The following ANKFY1 variants were observed in gnomAD, a reference collection of about 807,000 sequenced individuals.
ANKFY1 encodes ankyrin repeat and FYVE domain-containing protein 1.
ANKFY1 carries 47 observed loss-of-function variants against 128.3 expected under a neutral mutation model. That is an observed-to-expected ratio of 0.37 (90% CI 0.29 to 0.47). The LOEUF (loss-of-function observed/expected upper bound fraction) is 0.47, where lower values mean the gene tolerates loss of function less well. Ranked by LOEUF, ANKFY1 falls within the 20% of genes least tolerant of loss-of-function variation. ANKFY1 has a pLI of 1.00. For missense variants in ANKFY1, 1,222 were observed against 1,510.6 expected (o/e 0.81, Z 3.17); for synonymous variants, 553 against 601.6 (o/e 0.92, Z 1.18).
intron 3 of ANKFY1, among the ~76,000 whole-genome samples, chr17:4,217,320 G>A (rs183203820): frequency 5.9e-5 from 9 of 152,282 alleles, no homozygotes; most frequent in Non-Finnish European, 4.4e-5. Context: ...AGGCTGAGGC[G>A]GGCAGATCAC....
chr17:4,232,242 C>T (rs1222127636), intron 3 of ANKFY1, among the ~76,000 whole-genome samples: 2 of 152,128 alleles, frequency 1.3e-5, no homozygotes, highest in Admixed American at 1.3e-4. Flanking sequence ...TTACAAGAAC[C>T]TATTTCCAAT....
At chr17:4,171,510 C>T (rs929833845) in intron 22 of ANKFY1, among the ~76,000 whole-genome samples, 1 of 152,172 alleles carries the variant, frequency 6.6e-6, no homozygotes, top group African/African-American at 2.4e-5. Flanking sequence ...ATTCTTCCCA[C>T]TATCAAATGA....
chr17:4,261,749 C>A (rs1336501637), intron 1 of ANKFY1, among the ~76,000 whole-genome samples: 1 of 152,228 alleles, frequency 6.6e-6, no homozygotes, highest in African/African-American at 2.4e-5. Flanking sequence ...CAGCCCTCCA[C>A]AATCTCAACC....
At chr17:4,179,090 T>C (rs371319992) in intron 17 of ANKFY1, 33 bp from the exon 18 acceptor site, 42 of 1,606,454 alleles carry the variant, frequency 2.6e-5, no homozygotes, top group Admixed American at 1.0e-4. Flanking sequence ...TAATGTTCAA[T>C]TGCAAGATAA....
Position 4,172,512 on chromosome 17 carries a change from A to G in ANKFY1, c.3139+44T>C. ...TGGGCTCTTGCTTTTCCAGGAAGCAAGGTGCGCAAGTGAGACGGGACATAC... is the reference window on the plus strand; with the variant it reads ...TGGGCTCTTGCTTTTCCAGGAAGCAGGGTGCGCAAGTGAGACGGGACATAC... On this transcript the variant is annotated intron_variant, in intron 22 of 24. Coordinates refer to ENST00000341657, the MANE Select transcript of ANKFY1 (RefSeq NM_001330063.2). 1.9e-6 allele frequency: 3 copies of G among 1,588,594 alleles called. No individual in the cohort carries two copies. In the East Asian group the frequency reaches 6.7e-5, roughly 36 times the overall value.
intron 3 of ANKFY1, among the ~76,000 whole-genome samples, chr17:4,218,306 C>T (rs2060253924): frequency 6.6e-6 from 1 of 152,066 alleles, no homozygotes; most frequent in Non-Finnish European, 1.5e-5. Flanking sequence ...GAACAAAAAT[C>T]GTAAGAGTCC....
chr17:4,216,010 T>C (rs748919661), intron 4 of ANKFY1, among the ~76,000 whole-genome samples: 5 of 152,248 alleles, frequency 3.3e-5, no homozygotes, highest in Non-Finnish European at 7.3e-5. Context: ...TATGCACCTA[T>C]AGACTGTGGA....
At chr17:4,228,786 A>G (rs565173530) in intron 3 of ANKFY1, among the ~76,000 whole-genome samples, 110 of 152,254 alleles carry the variant, frequency 7.2e-4, no homozygotes, top group Admixed American at 2.9e-3. Flanking sequence ...AACTTATCCA[A>G]TTGCACACTT....
intron 8 of ANKFY1, among the ~76,000 whole-genome samples, chr17:4,196,489 T>G (rs2059827265): frequency 6.6e-6 from 1 of 152,128 alleles, no homozygotes; most frequent in Admixed American, 6.6e-5. Flanking sequence ...TCACAGCCCC[T>G]CACACCACTG....
chr17:4,186,947 C>G (rs1318833477), intron 11 of ANKFY1: 19 of 1,177,942 alleles, frequency 1.6e-5, no homozygotes, highest in Non-Finnish European at 2.0e-5. Flanking sequence ...CACACACAGG[C>G]TCCTCCTCCT....
At chr17:4,238,602 T>C (rs1004621021) in intron 2 of ANKFY1, among the ~76,000 whole-genome samples, 1 of 151,676 alleles carries the variant, frequency 6.6e-6, no homozygotes, top group Non-Finnish European at 1.5e-5. Flanking sequence ...GCCTGCTGAG[T>C]AGCTGGGATT....
Position 4,238,152 on chromosome 17 carries a change from TAA to T in ANKFY1, c.204-2264_204-2263del, listed in dbSNP as rs55944256. ...AGTGAGACTCTGTCTCTTATTTATT[TAA>T]AAAAAAAAAAAAAAAAAAAAAAGGC... is the stretch of plus-strand genomic sequence containing the variant. On this transcript the variant is annotated intron_variant, in intron 2 of 24. Transcript: ENST00000341657. 3.9e-3 allele frequency among the ~76,000 whole-genome samples: 359 copies of T among 92,680 alleles called. 1 individual carries two copies. The highest frequency in any genetic ancestry group is 4.7e-3 in the Non-Finnish European group (223 of 47,524). 60.8% of individuals were successfully genotyped at this position (92,680 alleles called of 152,430 possible). A position where few individuals can be genotyped will look rare whatever the true frequency, so the allele number is the denominator to read the frequency against.
chr17:4,183,059 T>C (rs775301047), intron 14 of ANKFY1, among the ~76,000 whole-genome samples: 3 of 152,184 alleles, frequency 2.0e-5, no homozygotes, highest in Non-Finnish European at 4.4e-5. Context: ...TGAGCCGAGA[T>C]TGTGCCACTG....
intron 5 of ANKFY1, among the ~76,000 whole-genome samples, chr17:4,209,046 C>T (rs148199854): frequency 0.045 from 5,510 of 122,640 alleles, 330 homozygotes; most frequent in African/African-American, 0.14. Flanking sequence ...GCAACAAGAG[C>T]GAAACTCAGT....
intron 18 of ANKFY1, chr17:4,177,942 C>G (rs2059437900): frequency 6.6e-6 from 1 of 152,420 alleles, no homozygotes; most frequent in African/African-American, 2.4e-5. Context: ...GTGGAGGCGG[C>G]AGCGAGGGCG....
At chr17:4,223,121 C>T (rs757186916) in intron 3 of ANKFY1, 27 of 753,072 alleles carry the variant, frequency 3.6e-5, no homozygotes, top group Non-Finnish European at 5.3e-5. Flanking sequence ...AAGCATTGGT[C>T]GAAACAAAGA....
chr17:4,232,575 G>A (rs2060531543), intron 3 of ANKFY1, among the ~76,000 whole-genome samples: 1 of 152,208 alleles, frequency 6.6e-6, no homozygotes, highest in South Asian at 2.1e-4. Flanking sequence ...ACTCCTGAAA[G>A]CAAACCTTAT....
At chr17:4,237,542 A>G (rs1431772764) in intron 2 of ANKFY1, among the ~76,000 whole-genome samples, 1 of 152,216 alleles carries the variant, frequency 6.6e-6, no homozygotes, top group Non-Finnish European at 1.5e-5. Context: ...AATAACTTAA[A>G]CAGATTTTCA....
chr17:4,217,267 G>A (rs1047354301), intron 3 of ANKFY1, 149 bp from the exon 4 acceptor site: 22 of 911,092 alleles, frequency 2.4e-5, no homozygotes, highest in South Asian at 3.6e-5. Flanking sequence ...ATGGGGACTC[G>A]GCCGGGTGCA....
Sources: gnomAD v4.1 joint callset for allele counts (sites outside exome capture counted in the v4.1 genomes callset) on GRCh38, gnomAD v4.1.1 for gene constraint, MANE v1.5 for transcripts, NCBI Gene and HGNC (gene_info 2026-07-23, HGNC 2026-07-21) for gene names.